The following SLC66A2 variants were observed in gnomAD, a reference collection of about 807,000 sequenced individuals.
SLC66A2 encodes solute carrier family 66 member 2.
A neutral mutation model predicts 25.5 loss-of-function variants in SLC66A2; 23 were observed. The ratio of observed to expected loss-of-function variants is 0.90; its 90% CI spans 0.65 to 1.28. SLC66A2 has a LOEUF of 1.28. Among genes scored for constraint, SLC66A2 ranks in the 50% most tolerant of loss-of-function variants. The probability of loss-of-function intolerance (pLI) is 0.00; values close to 1 mark genes in which losing one functional copy is unlikely to be tolerated. For missense variants in SLC66A2, 396 were observed against 373.1 expected (o/e 1.06, Z -0.51); for synonymous variants, 193 against 166.5 (o/e 1.16, Z -1.23).
chr18:79,937,426 A>G lies in SLC66A2; in HGVS notation c.338-3404T>C, dbSNP rs1987209459. On this transcript the variant is annotated intron_variant, in intron 3 of 5. Coordinates refer to ENST00000397778, the MANE Select transcript of SLC66A2 (RefSeq NM_025078.5). The surrounding 1 kb of genome is among the most constrained non-coding windows in gnomAD (Gnocchi z 5.4). ...CACCAAACGTCCAACTCACATGTTC[A>G]GAATGACTCAGAAACATGCACTCAT... Among the ~76,000 whole-genome samples the G allele has an allele frequency of 6.6e-6, 1 of 152,264 alleles. No individual in the cohort carries two copies. Among genetic ancestry groups the G allele is most frequent in the African/African-American group, 2.4e-5 (1 of 41,472 alleles).
At chr18:79,932,446 G>C (rs1401714228) in intron 4 of SLC66A2, among the ~76,000 whole-genome samples, 1 of 151,862 alleles carries the variant, frequency 6.6e-6, no homozygotes, top group African/African-American at 2.4e-5. Flanking sequence ...TTGGTTCTCT[G>C]ATAGGCAATG....
Position 79,918,220 on chromosome 18 carries a change from C to T in SLC66A2, c.608+964G>A, listed in dbSNP as rs1432240660. 6.6e-6 allele frequency among the ~76,000 whole-genome samples: 1 copy of T among 152,226 alleles called. No homozygotes were observed. The highest frequency in any genetic ancestry group is 6.5e-5 in the Admixed American group (1 of 15,286). ...AAGAGAGTGCTGTGGCCCCTGGGCA[C>T]CCGTTCTCCAACACAAAAACGCGTC... On this transcript the variant is annotated intron_variant, in intron 5 of 5. Transcript: ENST00000397778. This position sits in a 1 kb window ranked among gnomAD's most constrained non-coding sequence, Gnocchi z 4.0.
At chr18:79,947,284 T>C (rs774965327) in intron 2 of SLC66A2, 5 of 152,278 alleles carry the variant, frequency 3.3e-5, no homozygotes, top group Admixed American at 6.5e-5. Context: ...ATCCTGAATG[T>C]TGGCATTCCA....
chr18:79,911,757 G>A (rs896828824), intron 5 of SLC66A2, among the ~76,000 whole-genome samples: 2 of 143,818 alleles, frequency 1.4e-5, no homozygotes, highest in African/African-American at 2.6e-5. Context: ...GGGAGGGGAC[G>A]CAGCAGGGAA....
chr18:79,929,240 C>T (rs926848335), intron 4 of SLC66A2, among the ~76,000 whole-genome samples: 5 of 152,184 alleles, frequency 3.3e-5, no homozygotes, highest in Non-Finnish European at 7.3e-5. Context: ...CCCTGCCCAG[C>T]TGTGGGGAAT....
intron 3 of SLC66A2, among the ~76,000 whole-genome samples, chr18:79,938,566 C>T (rs1164028690): frequency 2.6e-5 from 4 of 152,148 alleles, no homozygotes; most frequent in Admixed American, 6.5e-5. Flanking sequence ...AAAATTATGC[C>T]AATTTTGTGA....
At chr18:79,915,416 C>T (rs1290695470) in intron 5 of SLC66A2, 2 of 152,302 alleles carry the variant, frequency 1.3e-5, no homozygotes, top group East Asian at 1.9e-4. Flanking sequence ...TCCATCACTC[C>T]GAGCCGACCC....
intron 3 of SLC66A2, among the ~76,000 whole-genome samples, chr18:79,943,079 G>T (rs1987828925): frequency 1.3e-5 from 2 of 152,206 alleles, no homozygotes; most frequent in South Asian, 4.1e-4. Flanking sequence ...CAGCCAAGAG[G>T]AACCGTGAAG....
chr18:79,917,419 A>AC lies in SLC66A2; in HGVS notation c.608+1764dup, dbSNP rs1050847033. Reference sequence around the variant, plus strand: ...GGCATGTGGGGTCCGGATCCGCTAGACCCTCACCACGAGGCTGTGGTGATG... The same window carrying AC: ...GGCATGTGGGGTCCGGATCCGCTAGACCCCTCACCACGAGGCTGTGGTGATG... On this transcript the variant is annotated intron_variant, in intron 5 of 5. Coordinates refer to ENST00000397778, the MANE Select transcript of SLC66A2 (RefSeq NM_025078.5). The surrounding 1 kb of genome is among the most constrained non-coding windows in gnomAD (Gnocchi z 6.0). 2.6e-4 allele frequency among the ~76,000 whole-genome samples: 40 copies of AC among 152,082 alleles called. No homozygotes were observed. The highest frequency in any genetic ancestry group is 1.0e-4 in the Non-Finnish European group (7 of 67,976).
intron 2 of SLC66A2, among the ~76,000 whole-genome samples, chr18:79,944,899 C>A (rs1343584163): frequency 6.7e-6 from 1 of 149,362 alleles, no homozygotes; most frequent in East Asian, 2.0e-4. Flanking sequence ...CGACTCAGAG[C>A]AGAAGCAGGG....
At chr18:79,944,641 CTG>C (rs1166259326) in intron 2 of SLC66A2, 1 of 152,478 alleles carries the variant, frequency 6.6e-6, no homozygotes, top group African/African-American at 2.4e-5. Flanking sequence ...CAACCCCTGA[CTG>C]TTCCAGCGCG....
chr18:79,934,336 GC>G (rs1196422843), intron 3 of SLC66A2, among the ~76,000 whole-genome samples: 1 of 152,194 alleles, frequency 6.6e-6, no homozygotes, highest in Non-Finnish European at 1.5e-5. Flanking sequence ...CAGCATGGGA[GC>G]CCGTCACAAG....
intron 3 of SLC66A2, chr18:79,935,529 A>G (rs1986992414): frequency 6.6e-6 from 1 of 152,322 alleles, no homozygotes; most frequent in African/African-American, 2.4e-5. Context: ...CGGCATCAGG[A>G]GGTGGTGTCA....
In SLC66A2 at chr18:79,904,078, C is replaced by T. The variant is rs1981638439; in HGVS notation, c.714G>A (p.Val238=). The T allele has an allele frequency of 6.2e-7, 1 of 1,612,248 alleles. No homozygotes were observed. Among genetic ancestry groups the T allele is most frequent in the African/African-American group, 1.3e-5 (1 of 74,868 alleles). The change falls in exon 6 of 6, where the codon GTG becomes GTA. Residue 238 remains valine, a synonymous_variant. Coordinates refer to ENST00000397778, the MANE Select transcript of SLC66A2 (RefSeq NM_025078.5). This position sits in a 1 kb window ranked among gnomAD's most constrained non-coding sequence, Gnocchi z 6.3. ...GCCCCAGGATGGCCAGGTCCACCAG[C>T]ACCTGCAGCAGGCCGCACACGGAGA... ...LQFSVCGLLQ[V]LVDLAILGQA... is the part of the protein sequence containing the mutation.
chr18:79,913,257 C>T (rs937901944), intron 5 of SLC66A2, among the ~76,000 whole-genome samples: 2 of 152,208 alleles, frequency 1.3e-5, no homozygotes, highest in South Asian at 2.1e-4. Flanking sequence ...TCCACAGCCA[C>T]GGTGTCTGTA....
At position 79,903,810 on chromosome 18, in the gene SLC66A2, C is replaced by T; in HGVS notation, c.*166G>A. 1 of 592,960 alleles carries T rather than the reference C, an allele frequency of 1.7e-6. No individual in the cohort carries two copies. The highest frequency in any genetic ancestry group is 2.9e-6 in the Non-Finnish European group (1 of 347,816). 36.7% of individuals were successfully genotyped at this position (592,960 alleles called of 1,614,324 possible). ...GCACAAACAGCGTCCCAGCCCCACC[C>T]CCACTGCCCACCCTGAGACACCCCA... On this transcript the variant is annotated 3_prime_UTR_variant, in exon 6 of 6. Coordinates refer to ENST00000397778, the MANE Select transcript of SLC66A2 (RefSeq NM_025078.5).
intron 5 of SLC66A2, among the ~76,000 whole-genome samples, chr18:79,909,590 C>CACAG (rs1568292115): frequency 1.6e-5 from 1 of 60,816 alleles, no homozygotes. Context: ...ACCATCTCAC[C>CACAG]AGTCTCCAAC....
Position 79,903,246 on chromosome 18 carries a change from G to C in SLC66A2, c.*730C>G. ...CCTCCACGTTGTCTGATGGTCGCTG[G>C]CATCTGCCACGTCCCCAAGGACTCG... On this transcript the variant is annotated 3_prime_UTR_variant, in exon 6 of 6. Transcript: ENST00000397778. 6.6e-6 allele frequency: 1 copy of C among 152,412 alleles called. No homozygotes were observed. Among genetic ancestry groups the C allele is most frequent in the East Asian group, 1.9e-4 (1 of 5,194 alleles). 9.4% of individuals were successfully genotyped at this position (152,412 alleles called of 1,614,324 possible). A position where few individuals can be genotyped will look rare whatever the true frequency, so the allele number is the denominator to read the frequency against.
intron 3 of SLC66A2, 95 bp from the exon 4 acceptor site, chr18:79,934,117 T>C (rs575328793): frequency 8.4e-6 from 8 of 956,812 alleles, no homozygotes; most frequent in African/African-American, 2.0e-5. Context: ...CCAGAACTTT[T>C]TGCATTTCTT....
Sources: allele counts gnomAD v4.1 joint callset (sites outside exome capture counted in the v4.1 genomes callset), GRCh38; gene constraint gnomAD v4.1.1; non-coding constraint Gnocchi (gnomAD v3.1); transcripts MANE v1.5; gene names NCBI Gene and HGNC (gene_info 2026-07-23, HGNC 2026-07-21).